The following TGFB2 variants were observed in gnomAD, a reference collection of about 807,000 sequenced individuals.
TGFB2 encodes the protein transforming growth factor beta-2 proprotein.
TGFB2 carries 13 observed loss-of-function variants against 42.7 expected under a neutral mutation model. The observed-to-expected ratio is 0.30, with a 90% CI of 0.20 to 0.48. The LOEUF is 0.48. TGFB2 is among the 20% of genes least tolerant of loss of function. The pLI, the probability that TGFB2 is intolerant of heterozygous loss-of-function variation, is 0.99. For missense variants in TGFB2, 390 were observed against 517.5 expected (o/e 0.75, Z 2.39); for synonymous variants, 193 against 193.6 (o/e 1.00, Z 0.03).
intron 2 of TGFB2, among the ~76,000 whole-genome samples, chr1:218,430,139 G>C (rs1028931715): frequency 3.5e-4 from 54 of 152,166 alleles, no homozygotes; most frequent in Admixed American, 7.2e-4. Context: ...GGCCGGGCGT[G>C]GTAGCTCAAG....
At chr1:218,438,685 AT>A (rs1256708771) in intron 6 of TGFB2, among the ~76,000 whole-genome samples, 1 of 152,204 alleles carries the variant, frequency 6.6e-6, no homozygotes, top group African/African-American at 2.4e-5. Context: ...ATTGGATGGT[AT>A]GAGTTTCCGG....
At chr1:218,429,301 T>C (rs1046543217) in intron 2 of TGFB2, among the ~76,000 whole-genome samples, 1 of 152,210 alleles carries the variant, frequency 6.6e-6, no homozygotes, top group African/African-American at 2.4e-5. Flanking sequence ...TTTATCTCTA[T>C]GAATTTGCCT....
chr1:218,380,081 G>A (rs527481416), intron 1 of TGFB2, among the ~76,000 whole-genome samples: 1 of 152,316 alleles, frequency 6.6e-6, no homozygotes, highest in East Asian at 1.9e-4. Flanking sequence ...GGAAACCAAG[G>A]CAGAGAGAGA....
chr1:218,361,613 AG>A (rs1463383148), intron 1 of TGFB2, among the ~76,000 whole-genome samples: 2 of 152,184 alleles, frequency 1.3e-5, no homozygotes, highest in African/African-American at 2.4e-5. Flanking sequence ...TTGCTAACCA[AG>A]TGACTTACTC....
chr1:218,365,993 T>C (rs189975294), intron 1 of TGFB2, among the ~76,000 whole-genome samples: 3 of 152,366 alleles, frequency 2.0e-5, no homozygotes, highest in Non-Finnish European at 4.4e-5. Flanking sequence ...GCAGCTCTGA[T>C]GCTGCATCAG....
At chr1:218,388,548 G>A (rs190952003) in intron 1 of TGFB2, among the ~76,000 whole-genome samples, 263 of 152,236 alleles carry the variant, frequency 1.7e-3, no homozygotes, top group Middle Eastern at 6.8e-3. Context: ...GAAACATGGG[G>A]GACCTGGTCC....
Position 218,398,189 on chromosome 1 carries a change from G to C in TGFB2, c.347-6980G>C, listed in dbSNP as rs189660233. ...AAACTTTGATGAAATGGTGCCATCAGACTTTCCTGGATGATTCACATTTAT... is the reference window on the plus strand; with the variant it reads ...AAACTTTGATGAAATGGTGCCATCACACTTTCCTGGATGATTCACATTTAT... On this transcript the variant is annotated intron_variant, in intron 1 of 6. Transcript: ENST00000366930. Among the ~76,000 whole-genome samples the C allele has an allele frequency of 3.3e-5, 5 of 152,364 alleles. No individual in the cohort carries two copies. In the East Asian group the frequency reaches 9.6e-4, roughly 29 times the overall value.
At chr1:218,358,529 A>T in intron 1 of TGFB2, among the ~76,000 whole-genome samples, 1 of 145,464 alleles carries the variant, frequency 6.9e-6, no homozygotes, top group African/African-American at 2.5e-5. Flanking sequence ...AGTTGTTTCT[A>T]CTTCCTTTAT....
At chr1:218,354,516 T>G (rs1245996980) in intron 1 of TGFB2, among the ~76,000 whole-genome samples, 2 of 152,214 alleles carry the variant, frequency 1.3e-5, no homozygotes, top group African/African-American at 4.8e-5. Context: ...ATATTTTACA[T>G]ATATGTACTC....
intron 2 of TGFB2, among the ~76,000 whole-genome samples, chr1:218,411,310 C>G (rs1432479484): frequency 1.3e-5 from 2 of 152,160 alleles, no homozygotes; most frequent in Non-Finnish European, 2.9e-5. Flanking sequence ...CAGAGCTTGG[C>G]TGGATATTGT....
chr1:218,388,209 A>C (rs1041553122), intron 1 of TGFB2, among the ~76,000 whole-genome samples: 1 of 152,160 alleles, frequency 6.6e-6, no homozygotes, highest in Non-Finnish European at 1.5e-5. Flanking sequence ...CAATAAAAGG[A>C]AGCAAAGGGA....
At chr1:218,353,218 TC>T (rs1656922795) in intron 1 of TGFB2, among the ~76,000 whole-genome samples, 1 of 152,214 alleles carries the variant, frequency 6.6e-6, no homozygotes, top group Admixed American at 6.5e-5. Context: ...AACCTCCAGC[TC>T]ATTCTTTTCC....
intron 1 of TGFB2, among the ~76,000 whole-genome samples, chr1:218,375,940 G>C (rs1370336590): frequency 6.6e-6 from 1 of 152,072 alleles, no homozygotes; most frequent in Non-Finnish European, 1.5e-5. Context: ...AAAAATATGG[G>C]ATATCTATAA....
At chr1:218,433,367 GATAAATAC>G (rs1659870186) in intron 2 of TGFB2, among the ~76,000 whole-genome samples, 1 of 152,152 alleles carries the variant, frequency 6.6e-6, no homozygotes, top group Non-Finnish European at 1.5e-5. Flanking sequence ...CCCAGCCTGA[GATAAATAC>G]ATCTTCCTAA....
intron 2 of TGFB2, among the ~76,000 whole-genome samples, chr1:218,419,389 G>A (rs531461857): frequency 3.9e-5 from 6 of 152,148 alleles, no homozygotes; most frequent in African/African-American, 9.6e-5. Context: ...TTTGGCCACC[G>A]TACCTAAGAT....
At chr1:218,422,954 A>T (rs1659504530) in intron 2 of TGFB2, among the ~76,000 whole-genome samples, 1 of 152,242 alleles carries the variant, frequency 6.6e-6, no homozygotes, top group Admixed American at 6.5e-5. Context: ...CAAACAAATT[A>T]ACTGATCATA....
At chr1:218,372,716 G>A (rs900814964) in intron 1 of TGFB2, among the ~76,000 whole-genome samples, 3 of 152,214 alleles carry the variant, frequency 2.0e-5, no homozygotes, top group Non-Finnish European at 4.4e-5. Flanking sequence ...TGACAGTCAA[G>A]GCTGATGTTT....
chr1:218,426,797 A>T (rs568521704), intron 2 of TGFB2, among the ~76,000 whole-genome samples: 1 of 152,332 alleles, frequency 6.6e-6, no homozygotes, highest in South Asian at 2.1e-4. Flanking sequence ...AAAACTTAAA[A>T]CAAATATATA....
intron 1 of TGFB2, among the ~76,000 whole-genome samples, 172 bp downstream of exon 1, chr1:218,347,219 A>G (rs2102528137): frequency 6.6e-6 from 1 of 152,164 alleles, no homozygotes; most frequent in African/African-American, 2.4e-5. Context: ...TGAGGCCATC[A>G]GGCTTTAAAA....
Sources: gnomAD v4.1 joint callset for allele counts (sites outside exome capture counted in the v4.1 genomes callset) on GRCh38, gnomAD v4.1.1 for gene constraint, MANE v1.5 for transcripts, NCBI Gene and HGNC (gene_info 2026-07-23, HGNC 2026-07-21) for gene names.